The following PIK3C2A variants were observed in gnomAD, a reference collection of about 807,000 sequenced individuals.
The protein encoded by PIK3C2A is phosphatidylinositol 4-phosphate 3-kinase C2 domain-containing subunit alpha.
Under a neutral mutation model 204.5 loss-of-function variants are expected in PIK3C2A, and 97 were observed. The ratio of observed to expected loss-of-function variants is 0.47; its 90% CI spans 0.40 to 0.56. The LOEUF (loss-of-function observed/expected upper bound fraction) is 0.56. Among genes scored for constraint, PIK3C2A ranks in the 20% least tolerant of loss-of-function variants. The pLI is 0.00. For synonymous variants in PIK3C2A, 653 were observed against 664.4 expected, an observed-to-expected ratio of 0.98 and a Z score of 0.26; for missense variants, 1,735 against 1,969.2, an observed-to-expected ratio of 0.88 and a Z score of 2.25.
chr11:17,112,317 G>A (rs2137316740), intron 21 of PIK3C2A, among the ~76,000 whole-genome samples: 1 of 152,232 alleles, frequency 6.6e-6, no homozygotes, highest in South Asian at 2.1e-4. Context: ...GCCGGGCATG[G>A]TGGCAGGTGC....
At chr11:17,194,760 T>C (rs1852082239) in intron 1 of PIK3C2A, among the ~76,000 whole-genome samples, 1 of 151,836 alleles carries the variant, frequency 6.6e-6, no homozygotes, top group Admixed American at 6.6e-5. Context: ...AAATACAAAA[T>C]TAGCTGGGCA....
At chr11:17,154,593 C>T (rs1419352853) in intron 3 of PIK3C2A, among the ~76,000 whole-genome samples, 3 of 152,258 alleles carry the variant, frequency 2.0e-5, no homozygotes, top group African/African-American at 2.4e-5. Flanking sequence ...CTCTTGGCCA[C>T]AAGGACTGTT....
Position 17,089,869 on chromosome 11 carries a change from G to C in PIK3C2A, c.4930C>G (p.Leu1644Val). ...KETLRQRELQLSVLSAESLRE... is the reference protein window; with the variant it reads ...KETLRQRELQVSVLSAESLRE... ...AGAGATTCTGCACTGAGTACACTTA[G>C]TTGAAGTTCTCGCTGTCTTAGGGTT... Residue 1644 changes from leucine (L) to valine (V), a missense_variant, in exon 33 of 33, where the codon CTA becomes GTA. Transcript: ENST00000691414. The C allele has an allele frequency of 1.2e-6, 2 of 1,613,266 alleles. No individual in the cohort carries two copies. Among genetic ancestry groups the C allele is most frequent in the Non-Finnish European group, 1.7e-6 (2 of 1,179,402 alleles).
chr11:17,166,232 G>A (rs962598933), intron 2 of PIK3C2A, among the ~76,000 whole-genome samples: 1 of 151,704 alleles, frequency 6.6e-6, no homozygotes, highest in East Asian at 1.9e-4. Context: ...CTGTCTCAGT[G>A]ATTAAAAAAA....
Position 17,117,691 on chromosome 11 carries a change from A to C in PIK3C2A, c.3036-20T>G. On this transcript the variant is annotated intron_variant, in intron 18 of 32. Coordinates refer to ENST00000691414, the MANE Select transcript of PIK3C2A (RefSeq NM_002645.4). The stretch of plus-strand genomic sequence containing the variant: ...AGAAGCCTAATACAGCAAAATATTT[A>C]TGTTAGTCACGTCTTGGTTTTTTTT... 1 of 612,606 alleles carries C rather than the reference A, an allele frequency of 1.6e-6. No homozygotes were observed. Among genetic ancestry groups the C allele is most frequent in the Non-Finnish European group, 2.7e-6 (1 of 373,630 alleles). The allele number at this position is 612,606 out of a possible 1,614,324, so 37.9% of individuals were successfully genotyped here. A position where few individuals can be genotyped will look rare whatever the true frequency, so the allele number is the denominator to read the frequency against.
intron 1 of PIK3C2A, among the ~76,000 whole-genome samples, chr11:17,177,301 T>A (rs1851369758): frequency 6.6e-6 from 1 of 152,192 alleles, no homozygotes. Context: ...ACCAGATGAC[T>A]AGCAAATTTG....
At chr11:17,159,344 A>G (rs987929700) in intron 2 of PIK3C2A, among the ~76,000 whole-genome samples, 1 of 152,254 alleles carries the variant, frequency 6.6e-6, no homozygotes, top group Non-Finnish European at 1.5e-5. Context: ...ATGATAATCA[A>G]TAAGAAAACA....
chr11:17,200,629 A>G (rs1852333002), intron 1 of PIK3C2A, among the ~76,000 whole-genome samples: 1 of 152,206 alleles, frequency 6.6e-6, no homozygotes, highest in Non-Finnish European at 1.5e-5. Context: ...AAAGGGCATA[A>G]TTATGGAAAT....
At chr11:17,178,769 C>A (rs1182690189) in intron 1 of PIK3C2A, among the ~76,000 whole-genome samples, 9 of 143,408 alleles carry the variant, frequency 6.3e-5, no homozygotes, top group South Asian at 2.2e-4. Context: ...GTCGCCCAGG[C>A]CGGACTGCGG....
intron 19 of PIK3C2A, among the ~76,000 whole-genome samples, chr11:17,115,014 T>C (rs1028293822): frequency 7.9e-5 from 12 of 152,128 alleles, no homozygotes; most frequent in African/African-American, 2.2e-4. Flanking sequence ...ACAATGTATA[T>C]AGAGGTAATA....
At chr11:17,143,506 A>G (rs1036724971) in intron 8 of PIK3C2A, among the ~76,000 whole-genome samples, 2 of 152,096 alleles carry the variant, frequency 1.3e-5, no homozygotes, top group Non-Finnish European at 2.9e-5. Flanking sequence ...GAGTCGGCCA[A>G]CTTTTTCTGT....
chr11:17,131,784 T>C (rs1849703976), intron 12 of PIK3C2A, 132 bp downstream of exon 12: 4 of 752,298 alleles, frequency 5.3e-6, no homozygotes, highest in Non-Finnish European at 9.1e-6. Context: ...AGAAGAGAGA[T>C]CTTAAGACAT....
chr11:17,165,857 T>A (rs184365828), intron 2 of PIK3C2A, among the ~76,000 whole-genome samples: 5 of 150,066 alleles, frequency 3.3e-5, no homozygotes, highest in African/African-American at 1.2e-4. Context: ...ACTTTGCTGC[T>A]TGCAAAGAGT....
rs117876013 is a variant in PIK3C2A, at chr11:17,140,013, A to C, written c.1705-3388T>G. ...CATTCCCTATAGGATATTAAACCAA[A>C]CCATTATTCCTTGCCTCAAAACCCC... is the stretch of plus-strand genomic sequence containing the variant. On this transcript the variant is annotated intron_variant, in intron 8 of 32. Transcript: ENST00000691414. Among the ~76,000 whole-genome samples, 1,256 of 152,226 alleles carry C rather than the reference A, an allele frequency of 8.3e-3. 15 individuals are homozygous for C. Among genetic ancestry groups the C allele is most frequent in the Middle Eastern group, 0.014 (4 of 294 alleles).
intron 3 of PIK3C2A, among the ~76,000 whole-genome samples, chr11:17,151,311 G>A (rs950134705): frequency 2.0e-5 from 3 of 152,148 alleles, no homozygotes; most frequent in African/African-American, 4.8e-5. Context: ...TGCTGTTATC[G>A]TAAGACAAAG....
At chr11:17,119,758 CAA>C (rs757372847) in intron 16 of PIK3C2A, 26 bp downstream of exon 16, 9 of 1,413,320 alleles carry the variant, frequency 6.4e-6, no homozygotes, top group Non-Finnish European at 7.6e-6. Context: ...GACAATAAAA[CAA>C]GAGCAAATAA....
chr11:17,127,435 A>G (rs973780562), intron 13 of PIK3C2A, among the ~76,000 whole-genome samples: 7 of 152,034 alleles, frequency 4.6e-5, no homozygotes, highest in Admixed American at 6.6e-5. Flanking sequence ...CAGCATCCCA[A>G]GTAGCTGGGA....
intron 1 of PIK3C2A, among the ~76,000 whole-genome samples, chr11:17,187,339 A>G (rs1473632469): frequency 6.6e-6 from 1 of 152,186 alleles, no homozygotes; most frequent in Non-Finnish European, 1.5e-5. Flanking sequence ...CTGGAATAAA[A>G]CACTAAATCT....
chr11:17,155,248 T>C (rs1340652977), intron 3 of PIK3C2A, among the ~76,000 whole-genome samples: 1 of 152,188 alleles, frequency 6.6e-6, no homozygotes, highest in Non-Finnish European at 1.5e-5. Context: ...TTTTTAAGTG[T>C]ACTGAAGCTT....
Sources: gnomAD v4.1 joint callset for allele counts (sites outside exome capture counted in the v4.1 genomes callset) on GRCh38, gnomAD v4.1.1 for gene constraint, MANE v1.5 for transcripts, NCBI Gene and HGNC (gene_info 2026-07-23, HGNC 2026-07-21) for gene names.